Variants in KCNMA1 observed in about 807,000 individuals in gnomAD.
KCNMA1 encodes potassium calcium-activated channel subfamily M alpha 1, also known as Calcium-activated potassium channel subunit alpha-1.
In KCNMA1, 29 loss-of-function variants were observed where a neutral mutation model predicts 140.0. The ratio of observed to expected loss-of-function variants is 0.21; its 90% CI spans 0.15 to 0.28. The LOEUF is 0.28. KCNMA1 is among the 10% of genes least tolerant of loss of function. KCNMA1 has a pLI of 1.00. For synonymous variants in KCNMA1, 612 were observed against 611.9 expected (o/e 1.00, Z 0.00); for missense variants, 880 against 1,602.2 (o/e 0.55, Z 7.70).
intron 1 of KCNMA1, among the ~76,000 whole-genome samples, chr10:77,461,994 C>G (rs1239262702): frequency 6.6e-6 from 1 of 152,106 alleles, no homozygotes; most frequent in Non-Finnish European, 1.5e-5. Flanking sequence ...CTCACAGACA[C>G]ACAAATTCAG....
At chr10:76,943,431 T>A (rs771304280) in intron 23 of KCNMA1, among the ~76,000 whole-genome samples, 1 of 152,070 alleles carries the variant, frequency 6.6e-6, no homozygotes, top group Non-Finnish European at 1.5e-5. Flanking sequence ...AGGGGAAGGT[T>A]CTCTTAAGCT....
At chr10:77,135,305 A>G (rs956236285) in intron 5 of KCNMA1, among the ~76,000 whole-genome samples, 2 of 152,208 alleles carry the variant, frequency 1.3e-5, no homozygotes, top group Admixed American at 1.3e-4. Context: ...ATCACTTCAC[A>G]TCTGTTAGAA....
intron 2 of KCNMA1, among the ~76,000 whole-genome samples, chr10:77,333,410 GAAAAGAAAAGAAAGAGAAGAAAAGA>G (rs1335073942): frequency 4.3e-5 from 6 of 138,766 alleles, no homozygotes; most frequent in Admixed American, 2.2e-4. Flanking sequence ...GAAAAGAAAA[GAAAAGAAAAGAAAGAGAAGAAAAGA>G]AAAGAGAAGA....
At chr10:76,921,366 T>C (rs548228226) in intron 23 of KCNMA1, among the ~76,000 whole-genome samples, 4 of 152,154 alleles carry the variant, frequency 2.6e-5, no homozygotes, top group Non-Finnish European at 5.9e-5. Flanking sequence ...TGAATTAAAT[T>C]TCCTGTTAAT....
At chr10:77,127,192 T>C (rs2097761894) in intron 5 of KCNMA1, among the ~76,000 whole-genome samples, 1 of 151,886 alleles carries the variant, frequency 6.6e-6, no homozygotes, top group South Asian at 2.1e-4. Flanking sequence ...ATTAATCTAT[T>C]ATTATTGATG....
In KCNMA1 at chr10:76,984,875, A is replaced by G. The variant is rs2080773693; in HGVS notation, c.2267-14808T>C. Among the ~76,000 whole-genome samples, 2 of 152,242 alleles carry G rather than the reference A, an allele frequency of 1.3e-5. 1 individual carries two copies. The highest frequency in any genetic ancestry group is 4.1e-4 in the South Asian group (2 of 4,834). On this transcript the variant is annotated intron_variant, in intron 19 of 27. Transcript: ENST00000286628. Reference sequence around the variant, plus strand: ...AAGTATATCTCTTCAAACAACAGCAACAACAGTTTTAGATATTTATTTTAG... The same window carrying G: ...AAGTATATCTCTTCAAACAACAGCAGCAACAGTTTTAGATATTTATTTTAG...
intron 27 of KCNMA1, among the ~76,000 whole-genome samples, chr10:76,888,730 G>T (rs138401459): frequency 2.6e-5 from 4 of 152,260 alleles, no homozygotes; most frequent in Non-Finnish European, 5.9e-5. Flanking sequence ...TTTAAAATAT[G>T]TGAAGTAAAA....
chr10:77,448,947 C>T (rs1054619363), intron 1 of KCNMA1, among the ~76,000 whole-genome samples: 6 of 151,776 alleles, frequency 4.0e-5, no homozygotes, highest in African/African-American at 7.3e-5. Flanking sequence ...ATTAGCCAGG[C>T]GTAGTGGTGC....
chr10:76,960,616 TTG>T (rs1163840851), intron 20 of KCNMA1, among the ~76,000 whole-genome samples: 24 of 132,008 alleles, frequency 1.8e-4, no homozygotes, highest in Admixed American at 5.5e-4. Context: ...TATTATGGTT[TTG>T]TTTTTTTTTT....
chr10:77,368,302 G>A (rs1024456061), intron 2 of KCNMA1, among the ~76,000 whole-genome samples: 2 of 152,154 alleles, frequency 1.3e-5, no homozygotes, highest in Non-Finnish European at 2.9e-5. Context: ...AGATGCTGAT[G>A]TTCTTTTTCT....
intron 1 of KCNMA1, among the ~76,000 whole-genome samples, chr10:77,540,816 C>G (rs943854694): frequency 1.3e-5 from 2 of 152,046 alleles, no homozygotes; most frequent in African/African-American, 4.8e-5. Context: ...GCCTGGTCAA[C>G]AGGGCGAAAC....
intron 22 of KCNMA1, among the ~76,000 whole-genome samples, chr10:76,948,276 G>A (rs1302050486): frequency 1.3e-5 from 2 of 152,154 alleles, no homozygotes; most frequent in African/African-American, 4.8e-5. Flanking sequence ...AAAATGCAGG[G>A]ATTACAGGGA....
At chr10:77,175,522 C>T (rs529402598) in intron 5 of KCNMA1, among the ~76,000 whole-genome samples, 1 of 152,302 alleles carries the variant, frequency 6.6e-6, no homozygotes, top group South Asian at 2.1e-4. Context: ...ACAAGGGGGC[C>T]ACAGTCCCTG....
intron 1 of KCNMA1, among the ~76,000 whole-genome samples, chr10:77,450,885 G>A (rs368747286): frequency 6.6e-6 from 1 of 152,134 alleles, no homozygotes. Context: ...AGAATGATGG[G>A]GGCATGTTTT....
At chr10:77,549,638 G>A (rs933616297) in intron 1 of KCNMA1, among the ~76,000 whole-genome samples, 4 of 152,204 alleles carry the variant, frequency 2.6e-5, no homozygotes, top group African/African-American at 9.6e-5. Context: ...TGCCCTACAG[G>A]GCAGTTATCT....
chr10:77,473,992 G>T (rs747448047), intron 1 of KCNMA1, among the ~76,000 whole-genome samples: 2 of 152,154 alleles, frequency 1.3e-5, no homozygotes, highest in Admixed American at 6.5e-5. Context: ...ACCCAGGGCC[G>T]GTCCTTAGAG....
chr10:76,894,926 C>G (rs991008692), intron 25 of KCNMA1, among the ~76,000 whole-genome samples: 19 of 152,218 alleles, frequency 1.2e-4, no homozygotes, highest in African/African-American at 4.3e-4. Context: ...TTGTGTTATG[C>G]CCAATTTCTG....
At chr10:77,563,062 C>CAAAA (rs35283320) in intron 1 of KCNMA1, among the ~76,000 whole-genome samples, 22 of 147,886 alleles carry the variant, frequency 1.5e-4, no homozygotes, top group African/African-American at 5.5e-4. Flanking sequence ...GAGACTTGAG[C>CAAAA]AAAAAAAAAA....
intron 5 of KCNMA1, among the ~76,000 whole-genome samples, chr10:77,146,315 G>C (rs2098289491): frequency 6.6e-6 from 1 of 152,118 alleles, no homozygotes; most frequent in African/African-American, 2.4e-5. Flanking sequence ...GGTTCAAATG[G>C]ATGTAAGTTT....
Sources: gnomAD v4.1 joint callset for allele counts (sites outside exome capture counted in the v4.1 genomes callset) on GRCh38, gnomAD v4.1.1 for gene constraint, MANE v1.5 for transcripts, NCBI Gene and HGNC (gene_info 2026-07-23, HGNC 2026-07-21) for gene names.